The following PLEKHA5 variants were observed in gnomAD, a reference collection of about 807,000 sequenced individuals.
The protein encoded by PLEKHA5 is pleckstrin homology domain-containing family A member 5.
PLEKHA5 carries 55 observed loss-of-function variants against 181.9 expected under a neutral mutation model. The ratio of observed to expected loss-of-function variants is 0.30; its 90% CI spans 0.24 to 0.38. The LOEUF (loss-of-function observed/expected upper bound fraction) is 0.38, where lower values mean the gene tolerates loss of function less well. Among genes scored for constraint, PLEKHA5 ranks in the 10% least tolerant of loss-of-function variants. The pLI is 1.00. For synonymous variants in PLEKHA5, 535 were observed against 529.4 expected, an observed-to-expected ratio of 1.01 and a Z score of -0.15; for missense variants, 1,432 against 1,549.5, an observed-to-expected ratio of 0.92 and a Z score of 1.27.
intron 3 of PLEKHA5, among the ~76,000 whole-genome samples, chr12:19,163,669 CCTATCTAT>C (rs71440393): frequency 1.6e-4 from 24 of 150,754 alleles, no homozygotes; most frequent in African/African-American, 5.1e-4. Flanking sequence ...GTGTGGTCTT[CCTATCTAT>C]CTATCTATCT....
At chr12:19,282,637 T>C (rs2076421713) in intron 11 of PLEKHA5, among the ~76,000 whole-genome samples, 1 of 152,182 alleles carries the variant, frequency 6.6e-6, no homozygotes. Context: ...TGATGAGATG[T>C]ATAAAAATGA....
intron 3 of PLEKHA5, among the ~76,000 whole-genome samples, chr12:19,168,940 C>T (rs908466906): frequency 6.6e-6 from 1 of 152,124 alleles, no homozygotes; most frequent in Non-Finnish European, 1.5e-5. Flanking sequence ...GAGTTTCTGT[C>T]TCTTTTTCTG....
intron 29 of PLEKHA5, among the ~76,000 whole-genome samples, chr12:19,362,962 T>C (rs202182882): frequency 1.3e-5 from 2 of 151,716 alleles, no homozygotes; most frequent in East Asian, 3.9e-4. Context: ...CCATTTGATA[T>C]AAGGGACTGG....
At chr12:19,220,105 T>C (rs1400154642) in intron 3 of PLEKHA5, among the ~76,000 whole-genome samples, 2 of 151,842 alleles carry the variant, frequency 1.3e-5, no homozygotes, top group African/African-American at 2.4e-5. Context: ...TGCTGGAAAC[T>C]GCTCCCATCC....
At chr12:19,301,063 T>C (rs2081349749) in intron 15 of PLEKHA5, among the ~76,000 whole-genome samples, 1 of 151,554 alleles carries the variant, frequency 6.6e-6, no homozygotes, top group Admixed American at 6.6e-5. Context: ...GGCAGGAGAA[T>C]CTCTTTTACC....
intron 3 of PLEKHA5, chr12:19,147,001 GA>G (rs1250029388): frequency 6.6e-6 from 1 of 152,148 alleles, no homozygotes; most frequent in African/African-American, 2.4e-5. Context: ...GAAAAACTGT[GA>G]AACATTACAT....
At chr12:19,329,375 C>T (rs1266785874) in intron 20 of PLEKHA5, among the ~76,000 whole-genome samples, 14 of 152,070 alleles carry the variant, frequency 9.2e-5, no homozygotes, top group Admixed American at 9.2e-4. Flanking sequence ...AGGAGACCCT[C>T]CTCCTTATTT....
At chr12:19,230,995 C>CGA (rs1210456590) in intron 3 of PLEKHA5, among the ~76,000 whole-genome samples, 1 of 152,172 alleles carries the variant, frequency 6.6e-6, no homozygotes, top group Non-Finnish European at 1.5e-5. Flanking sequence ...ATAGAATTGT[C>CGA]TTTTAGGTCC....
chr12:19,371,111 C>G (rs2095564500), intron 31 of PLEKHA5: 1 of 151,850 alleles, frequency 6.6e-6, no homozygotes, highest in Non-Finnish European at 1.5e-5. Context: ...CTCCCAGGCT[C>G]AAGCAATCCT....
intron 20 of PLEKHA5, among the ~76,000 whole-genome samples, chr12:19,334,829 A>AAATATATAT: frequency 1.1e-4 from 2 of 18,608 alleles, no homozygotes; most frequent in African/African-American, 2.4e-4. Context: ...AAAAAAAAAA[A>AAATATATAT]ATATATATAT....
At chr12:19,160,932 T>C (rs2042820779) in intron 3 of PLEKHA5, among the ~76,000 whole-genome samples, 1 of 152,128 alleles carries the variant, frequency 6.6e-6, no homozygotes. Flanking sequence ...AATAACAGTA[T>C]TAGTAATAGT....
chr12:19,264,280 G>GA (rs1399667659), intron 7 of PLEKHA5, among the ~76,000 whole-genome samples: 3 of 152,030 alleles, frequency 2.0e-5, no homozygotes, highest in African/African-American at 7.3e-5. Context: ...TGTTAGGCAG[G>GA]AAAACGGCCT....
intron 3 of PLEKHA5, among the ~76,000 whole-genome samples, chr12:19,167,541 G>T (rs1287256388): frequency 6.7e-6 from 1 of 148,758 alleles, no homozygotes; most frequent in Non-Finnish European, 1.5e-5. Context: ...TTCCCTGTTG[G>T]TTTAACCTGT....
intron 3 of PLEKHA5, chr12:19,200,485 C>T (rs1443053221): frequency 7.2e-6 from 10 of 1,386,662 alleles, no homozygotes; most frequent in Non-Finnish European, 9.3e-6. Context: ...AGTAGCTTTC[C>T]TATTCTCCAT....
intron 30 of PLEKHA5, among the ~76,000 whole-genome samples, chr12:19,367,861 T>G (rs953434367): frequency 2.6e-5 from 4 of 151,622 alleles, no homozygotes; most frequent in Non-Finnish European, 5.9e-5. Flanking sequence ...GCTGGGATTA[T>G]AGGCATGAGC....
intron 15 of PLEKHA5, chr12:19,307,049 G>A: frequency 6.9e-7 from 1 of 1,453,396 alleles, no homozygotes; most frequent in Non-Finnish European, 9.6e-7. Flanking sequence ...GGGCTTCCTG[G>A]AGCAAACTTG....
chr12:19,232,214 G>A (rs754749662), intron 3 of PLEKHA5, among the ~76,000 whole-genome samples: 4 of 152,116 alleles, frequency 2.6e-5, no homozygotes, highest in Non-Finnish European at 4.4e-5. Flanking sequence ...GATTATTTGA[G>A]ATGGAAGTAC....
In PLEKHA5 at chr12:19,245,059, A is replaced by C. The variant is rs1592183879; in HGVS notation, c.228-8881A>C. ...AGGTAGTGTGTAGCCAAAACATTAAAACATTTTTCTGAAGGTAGAAACAAA... is the reference window on the plus strand; with the variant it reads ...AGGTAGTGTGTAGCCAAAACATTAACACATTTTTCTGAAGGTAGAAACAAA... On this transcript the variant is annotated intron_variant, in intron 3 of 31. Transcript: ENST00000429027. 2.0e-5 allele frequency among the ~76,000 whole-genome samples: 3 copies of C among 152,338 alleles called. 1 individual carries two copies. The East Asian group carries it at 5.8e-4, about 29-fold the overall frequency.
intron 3 of PLEKHA5, among the ~76,000 whole-genome samples, chr12:19,239,946 A>G (rs2152441892): frequency 6.6e-6 from 1 of 152,374 alleles, no homozygotes; most frequent in African/African-American, 2.4e-5. Context: ...CTGTGTCACC[A>G]GTGCCTAGCA....
Sources: gnomAD v4.1 joint callset for allele counts (sites outside exome capture counted in the v4.1 genomes callset) on GRCh38, gnomAD v4.1.1 for gene constraint, MANE v1.5 for transcripts, NCBI Gene and HGNC (gene_info 2026-07-23, HGNC 2026-07-21) for gene names.